The following GALNT17 variants were observed in gnomAD, a reference collection of about 807,000 sequenced individuals.
GALNT17 encodes the protein UDP-GalNAc:polypeptide N-acetylgalactosaminyltransferase-like 3.
GALNT17 carries 29 observed loss-of-function variants against 63.7 expected under a neutral mutation model. The observed-to-expected ratio is 0.46, with a 90% confidence interval of 0.34 to 0.62. GALNT17 has a LOEUF of 0.62. Ranked by LOEUF, GALNT17 falls within the 20% of genes least tolerant of loss-of-function variation. GALNT17 has a pLI of 0.01. For missense variants in GALNT17, 603 were observed against 799.6 expected (o/e 0.75, Z 2.97); for synonymous variants, 305 against 318.3 (o/e 0.96, Z 0.45).
intron 5 of GALNT17, among the ~76,000 whole-genome samples, chr7:71,536,686 G>C (rs1056949989): frequency 6.6e-6 from 1 of 152,120 alleles, no homozygotes; most frequent in Non-Finnish European, 1.5e-5. Flanking sequence ...CCCACAACAC[G>C]TGGGAATTAT....
intron 6 of GALNT17, among the ~76,000 whole-genome samples, chr7:71,589,756 G>A (rs1019471034): frequency 1.3e-4 from 20 of 152,144 alleles, no homozygotes; most frequent in African/African-American, 4.8e-4. Context: ...ACTTGTCCAA[G>A]GTCTTACAGC....
intron 6 of GALNT17, among the ~76,000 whole-genome samples, chr7:71,605,912 T>G (rs898886598): frequency 6.6e-6 from 1 of 152,048 alleles, no homozygotes; most frequent in Non-Finnish European, 1.5e-5. Flanking sequence ...GATCACCCAC[T>G]GTAGCACAGT....
At chr7:71,695,362 G>A (rs1411454585) in intron 9 of GALNT17, among the ~76,000 whole-genome samples, 1 of 152,164 alleles carries the variant, frequency 6.6e-6, no homozygotes, top group East Asian at 1.9e-4. Context: ...TGGAAACATA[G>A]TGCTTGAATC....
intron 1 of GALNT17, among the ~76,000 whole-genome samples, chr7:71,317,349 G>A (rs1791518890): frequency 6.6e-6 from 1 of 152,172 alleles, no homozygotes; most frequent in Non-Finnish European, 1.5e-5. Flanking sequence ...CATGTTCACA[G>A]GCAGAATTAG....
intron 6 of GALNT17, among the ~76,000 whole-genome samples, chr7:71,609,795 CTT>C (rs1168873948): frequency 6.6e-6 from 1 of 151,854 alleles, no homozygotes; most frequent in South Asian, 2.1e-4. Context: ...TCAATAATAA[CTT>C]AATTATTACT....
intron 5 of GALNT17, among the ~76,000 whole-genome samples, chr7:71,509,164 A>G (rs1278239295): frequency 6.6e-6 from 1 of 152,210 alleles, no homozygotes; most frequent in Non-Finnish European, 1.5e-5. Context: ...CGCTTTCAAT[A>G]CAGTATTCAA....
At chr7:71,511,755 C>T (rs1483733831) in intron 5 of GALNT17, among the ~76,000 whole-genome samples, 1 of 152,132 alleles carries the variant, frequency 6.6e-6, no homozygotes, top group African/African-American at 2.4e-5. Flanking sequence ...GCACAACCTC[C>T]ACAACCTTAG....
At chr7:71,261,670 C>G (rs1019587562) in intron 1 of GALNT17, among the ~76,000 whole-genome samples, 2 of 152,216 alleles carry the variant, frequency 1.3e-5, no homozygotes, top group Non-Finnish European at 2.9e-5. Flanking sequence ...TAGTGCCTGG[C>G]AGGGGGCTTG....
chr7:71,535,356 T>C (rs573220209), intron 5 of GALNT17, among the ~76,000 whole-genome samples: 1 of 152,338 alleles, frequency 6.6e-6, no homozygotes, highest in East Asian at 1.9e-4. Flanking sequence ...CTGGGGCTGC[T>C]AGCCAGCTGC....
chr7:71,412,780 C>A lies in GALNT17; in HGVS notation c.590-3109C>A, dbSNP rs142279168. Among the ~76,000 whole-genome samples the A allele has an allele frequency of 3.3e-5, 5 of 152,214 alleles. No homozygotes were observed. The East Asian group carries it at 7.7e-4, about 24-fold the overall frequency. On this transcript the variant is annotated intron_variant, in intron 3 of 10. Coordinates refer to ENST00000333538, the MANE Select transcript of GALNT17 (RefSeq NM_022479.3). Reference sequence around the variant, plus strand: ...TTATCTGGCTAAGTGTGGTGGCTCACGCCTGTAATCCTAGCACTTTAAGAG... The same window carrying A: ...TTATCTGGCTAAGTGTGGTGGCTCAAGCCTGTAATCCTAGCACTTTAAGAG...
intron 5 of GALNT17, among the ~76,000 whole-genome samples, chr7:71,434,882 T>C (rs1213584507): frequency 5.9e-5 from 9 of 152,162 alleles, no homozygotes; most frequent in African/African-American, 2.2e-4. Flanking sequence ...GAGAGATAGA[T>C]GGTAAAAAAC....
intron 2 of GALNT17, among the ~76,000 whole-genome samples, chr7:71,344,641 T>C: frequency 6.6e-6 from 1 of 152,136 alleles, no homozygotes; most frequent in East Asian, 1.9e-4. Context: ...TGGCTAAATA[T>C]TAAGTCATGG....
intron 6 of GALNT17, among the ~76,000 whole-genome samples, chr7:71,607,334 A>G (rs965888647): frequency 1.2e-4 from 18 of 152,234 alleles, no homozygotes; most frequent in African/African-American, 4.1e-4. Context: ...TGATGAAAGA[A>G]TATGAATAAA....
chr7:71,231,721 G>T (rs1789791419), intron 1 of GALNT17, among the ~76,000 whole-genome samples: 1 of 150,674 alleles, frequency 6.6e-6, no homozygotes, highest in Admixed American at 6.6e-5. Context: ...GAGGGGAGTG[G>T]GGGAGGGAGA....
At chr7:71,446,337 TCATTAGATAATCA>T (rs1787159971) in intron 5 of GALNT17, among the ~76,000 whole-genome samples, 1 of 152,186 alleles carries the variant, frequency 6.6e-6, no homozygotes, top group Non-Finnish European at 1.5e-5. Context: ...ATACAAAAGA[TCATTAGATAATCA>T]CTGATAATCA....
chr7:71,287,543 C>T, intron 1 of GALNT17, among the ~76,000 whole-genome samples: 1 of 152,080 alleles, frequency 6.6e-6, no homozygotes, highest in Non-Finnish European at 1.5e-5. Flanking sequence ...ATAGTTAACC[C>T]TTTAACAATG....
chr7:71,253,751 C>A (rs143996802), intron 1 of GALNT17, among the ~76,000 whole-genome samples: 13 of 152,188 alleles, frequency 8.5e-5, no homozygotes, highest in African/African-American at 3.1e-4. Flanking sequence ...TTCTACAGCT[C>A]CCAAAGAACT....
At chr7:71,552,364 T>C (rs1245075900) in intron 5 of GALNT17, among the ~76,000 whole-genome samples, 1 of 151,536 alleles carries the variant, frequency 6.6e-6, no homozygotes, top group African/African-American at 2.4e-5. Flanking sequence ...TGTTATATGC[T>C]AGGAAGGCAC....
chr7:71,152,652 G>A (rs751993105), intron 1 of GALNT17, among the ~76,000 whole-genome samples: 3 of 151,444 alleles, frequency 2.0e-5, no homozygotes, highest in Non-Finnish European at 4.4e-5. Context: ...TTTTTTCTGA[G>A]ATAGAGTTTC....
Sources: allele counts gnomAD v4.1 joint callset (sites outside exome capture counted in the v4.1 genomes callset), GRCh38; gene constraint gnomAD v4.1.1; transcripts MANE v1.5; gene names NCBI Gene and HGNC (gene_info 2026-07-23, HGNC 2026-07-21).